Variants in DACH2 observed in about 807,000 individuals in gnomAD.
DACH2 encodes dachshund homolog 2.
Under a neutral mutation model 35.8 loss-of-function variants are expected in DACH2, and 17 were observed. The ratio of observed to expected loss-of-function variants is 0.48; its 90% confidence interval spans 0.33 to 0.71. DACH2 has a LOEUF of 0.71. Among genes scored for constraint, DACH2 ranks in the 30% least tolerant of loss-of-function variants. The pLI is 0.02. For missense variants in DACH2, 469 were observed against 472.7 expected (o/e 0.99, Z 0.07); for synonymous variants, 195 against 177.3 (o/e 1.10, Z -0.79).
intron 2 of DACH2, among the ~76,000 whole-genome samples, chrX:86,418,531 G>T (rs779675581): frequency 8.9e-6 from 1 of 112,121 alleles, no homozygotes; most frequent in East Asian, 2.8e-4. Context: ...ACCCTCTGAA[G>T]CCATGGTCCC....
intron 2 of DACH2, among the ~76,000 whole-genome samples, chrX:86,399,823 T>C (rs1163461826): frequency 9.0e-6 from 1 of 111,714 alleles, no homozygotes; most frequent in Admixed American, 9.5e-5. Flanking sequence ...ATTTTTTCCT[T>C]CATTTCAACT....
intron 2 of DACH2, among the ~76,000 whole-genome samples, chrX:86,401,237 A>G (rs1184116438): frequency 8.9e-6 from 1 of 112,388 alleles, no homozygotes; most frequent in African/African-American, 3.2e-5. Context: ...AAAGCACAGT[A>G]TTAGGGTGGG....
intron 3 of DACH2, among the ~76,000 whole-genome samples, chrX:86,647,395 A>G (rs961639428): frequency 1.8e-5 from 2 of 111,145 alleles, no homozygotes; most frequent in Admixed American, 9.7e-5. Context: ...ATAAACCTGA[A>G]GCATGATATG....
At chrX:86,777,699 G>A (rs2042049146) in intron 7 of DACH2, among the ~76,000 whole-genome samples, 1 of 111,077 alleles carries the variant, frequency 9.0e-6, no homozygotes, top group East Asian at 2.8e-4. Context: ...AAATAAAAAT[G>A]TTATATTTAA....
chrX:86,328,568 C>T (rs758531330), intron 1 of DACH2, among the ~76,000 whole-genome samples: 1 of 111,529 alleles, frequency 9.0e-6, no homozygotes, highest in South Asian at 3.8e-4. Context: ...TTTACTTCAG[C>T]AGAAGTTGGA....
intron 2 of DACH2, among the ~76,000 whole-genome samples, chrX:86,405,276 G>T (rs547527324): frequency 2.7e-5 from 3 of 111,831 alleles, no homozygotes; most frequent in Non-Finnish European, 5.6e-5. Flanking sequence ...TCATCAGGCT[G>T]CAAATTTTCC....
At chrX:86,810,900 T>C (rs1210984985) in intron 7 of DACH2, among the ~76,000 whole-genome samples, 1 of 111,715 alleles carries the variant, frequency 9.0e-6, no homozygotes, top group African/African-American at 3.2e-5. Context: ...TTAGCGTTAA[T>C]TTTAAATAGA....
At chrX:86,716,700 A>T (rs1217149442) in intron 6 of DACH2, among the ~76,000 whole-genome samples, 1 of 112,288 alleles carries the variant, frequency 8.9e-6, no homozygotes, top group Non-Finnish European at 1.9e-5. Flanking sequence ...AATGTTTGAG[A>T]CTTCAGTTAG....
chrX:86,703,596 C>T (rs1353788505), intron 5 of DACH2, among the ~76,000 whole-genome samples: 2 of 111,509 alleles, frequency 1.8e-5, no homozygotes, highest in Non-Finnish European at 3.8e-5. Flanking sequence ...AATCAACATA[C>T]AAAAAAATTG....
intron 1 of DACH2, among the ~76,000 whole-genome samples, chrX:86,337,647 G>T: frequency 8.9e-6 from 1 of 111,856 alleles, no homozygotes; most frequent in Middle Eastern, 4.6e-3. Flanking sequence ...TGGAAAAACT[G>T]GATTAACTAA....
intron 4 of DACH2, among the ~76,000 whole-genome samples, chrX:86,692,150 C>T (rs920599085): frequency 2.7e-5 from 3 of 111,433 alleles, no homozygotes; most frequent in African/African-American, 6.5e-5. Flanking sequence ...ATACAGTTGC[C>T]GTTACATTGC....
At chrX:86,630,891 T>C (rs2040193522) in intron 3 of DACH2, among the ~76,000 whole-genome samples, 1 of 111,493 alleles carries the variant, frequency 9.0e-6, no homozygotes, top group Non-Finnish European at 1.9e-5. Flanking sequence ...CACTGCCTGA[T>C]TGTGCATCCT....
intron 3 of DACH2, among the ~76,000 whole-genome samples, chrX:86,550,509 AT>A (rs2039034259): frequency 9.0e-6 from 1 of 110,630 alleles, no homozygotes; most frequent in Non-Finnish European, 1.9e-5. Context: ...TGAAAACTCT[AT>A]TAAATCACAA....
intron 1 of DACH2, among the ~76,000 whole-genome samples, chrX:86,239,595 T>C (rs2033124714): frequency 8.9e-6 from 1 of 112,194 alleles, no homozygotes; most frequent in African/African-American, 3.2e-5. Flanking sequence ...ACTTACTCTT[T>C]CTGCTGTTGA....
intron 3 of DACH2, among the ~76,000 whole-genome samples, chrX:86,566,678 G>A (rs1375682236): frequency 9.1e-6 from 1 of 110,000 alleles, no homozygotes; most frequent in African/African-American, 3.3e-5. Context: ...CTTTAATGAC[G>A]GCTATTTTAA....
intron 3 of DACH2, among the ~76,000 whole-genome samples, chrX:86,603,726 T>A (rs952110884): frequency 2.7e-5 from 3 of 111,729 alleles, no homozygotes; most frequent in Non-Finnish European, 5.6e-5. Flanking sequence ...GCACTTGGCT[T>A]GATATGCTAT....
intron 1 of DACH2, 149 bp from the exon 2 acceptor site, chrX:86,376,675 C>T: frequency 2.8e-6 from 2 of 718,915 alleles, no homozygotes. Flanking sequence ...GCTGGTGTTT[C>T]ATTGTGTGTA....
chrX:86,809,007 G>A (rs928578406), intron 7 of DACH2, among the ~76,000 whole-genome samples: 2 of 111,249 alleles, frequency 1.8e-5, no homozygotes, highest in Non-Finnish European at 3.8e-5. Context: ...TGGGCTCTAC[G>A]AAATAAGTTA....
At chrX:86,703,568 T>C (rs1181751291) in intron 5 of DACH2, among the ~76,000 whole-genome samples, 3 of 112,013 alleles carry the variant, frequency 2.7e-5, no homozygotes, top group East Asian at 2.8e-4. Flanking sequence ...ATGACTTCAG[T>C]AATGTTTCAG....
Sources: allele counts gnomAD v4.1 joint callset (sites outside exome capture counted in the v4.1 genomes callset), GRCh38; gene constraint gnomAD v4.1.1; transcripts MANE v1.5; gene names NCBI Gene and HGNC (gene_info 2026-07-23, HGNC 2026-07-21).